GRID2: variants seen among roughly 807,000 people sequenced by gnomAD.
GRID2 encodes the protein glutamate receptor ionotropic, delta-2.
In GRID2, 33 loss-of-function variants were observed where a neutral mutation model predicts 114.8. That is an observed-to-expected ratio of 0.29 (90% CI 0.22 to 0.38). GRID2 has a LOEUF of 0.38. Ranked by LOEUF, GRID2 falls within the 10% of genes least tolerant of loss-of-function variation. The pLI, the probability that GRID2 is intolerant of heterozygous loss-of-function variation, is 1.00. For missense variants in GRID2, 1,184 were observed against 1,257.7 expected, an observed-to-expected ratio of 0.94 and a Z score of 0.89; for synonymous variants, 505 against 449.9, an observed-to-expected ratio of 1.12 and a Z score of -1.55.
At chr4:93,216,609 G>T in intron 5 of GRID2, 129 bp from the exon 6 acceptor site, 2 of 623,650 alleles carry the variant, frequency 3.2e-6, no homozygotes, top group South Asian at 4.5e-5. Context: ...ATTTAGATAT[G>T]CACTAAGCAT....
At chr4:93,651,276 A>G (rs1722556523) in intron 14 of GRID2, among the ~76,000 whole-genome samples, 1 of 152,188 alleles carries the variant, frequency 6.6e-6, no homozygotes, top group Admixed American at 6.5e-5. Flanking sequence ...ACCAAAGATG[A>G]CCTTGTGTAC....
intron 1 of GRID2, among the ~76,000 whole-genome samples, chr4:92,341,750 T>C (rs916927257): frequency 2.0e-5 from 3 of 151,862 alleles, no homozygotes. Context: ...CCATCTCTAC[T>C]AAAAATACAA....
At chr4:93,192,954 C>G (rs1384155772) in intron 4 of GRID2, among the ~76,000 whole-genome samples, 1 of 151,952 alleles carries the variant, frequency 6.6e-6, no homozygotes, top group African/African-American at 2.4e-5. Context: ...ACCAATGTGT[C>G]TACAAAAGAA....
At position 92,677,538 on chromosome 4, in the gene GRID2, TTCATGCCC is replaced by T. The variant is rs1451453998; in HGVS notation, c.244+87253_244+87260del. ...TTGCATGTGAAAAAAGTTTTTCTAA[TTCATGCCC>T]CAAATTGAACTCTTGATCTCCTTTA... is the stretch of plus-strand genomic sequence containing the variant. On this transcript the variant is annotated intron_variant, in intron 2 of 15. Coordinates refer to ENST00000282020, the MANE Select transcript of GRID2 (RefSeq NM_001510.4). Among the ~76,000 whole-genome samples, 54 of 152,262 alleles carry T rather than the reference TTCATGCCC, an allele frequency of 3.5e-4. No individual in the cohort carries two copies. In the East Asian group the frequency reaches 0.01, roughly 28 times the overall value.
At chr4:92,565,193 T>C (rs998789852) in intron 1 of GRID2, among the ~76,000 whole-genome samples, 1 of 152,036 alleles carries the variant, frequency 6.6e-6, no homozygotes, top group Non-Finnish European at 1.5e-5. Flanking sequence ...ATTTTGATAA[T>C]ATGTTGTATT....
chr4:92,774,553 A>G (rs1578174222), intron 2 of GRID2, among the ~76,000 whole-genome samples: 1 of 149,604 alleles, frequency 6.7e-6, no homozygotes, highest in African/African-American at 2.5e-5. Context: ...AAGATATTCT[A>G]ATTTCTTCCA....
intron 9 of GRID2, among the ~76,000 whole-genome samples, chr4:93,403,214 G>T (rs567367228): frequency 6.6e-6 from 1 of 152,138 alleles, no homozygotes; most frequent in Admixed American, 6.6e-5. Flanking sequence ...AAATTTCCAG[G>T]GGCTGATATC....
chr4:92,868,133 A>G (rs557713405), intron 2 of GRID2, among the ~76,000 whole-genome samples: 3 of 150,852 alleles, frequency 2.0e-5, no homozygotes, highest in African/African-American at 7.3e-5. Context: ...GCAGTTGACA[A>G]GTTAACTATT....
intron 2 of GRID2, among the ~76,000 whole-genome samples, chr4:92,599,954 G>A (rs1477532098): frequency 2.7e-5 from 4 of 149,908 alleles, no homozygotes; most frequent in Non-Finnish European, 5.9e-5. Flanking sequence ...GAACCTGGGA[G>A]GTGGACATTG....
chr4:92,913,598 G>A (rs760879400), intron 2 of GRID2, among the ~76,000 whole-genome samples: 2 of 151,872 alleles, frequency 1.3e-5, no homozygotes, highest in African/African-American at 2.4e-5. Context: ...TTTGTAATTA[G>A]ACTGTATACG....
In GRID2 at chr4:92,939,998, G is replaced by A. The variant is rs370857182; in HGVS notation, c.245-144997G>A. Among the ~76,000 whole-genome samples, 41 of 147,146 alleles carry A rather than the reference G, an allele frequency of 2.8e-4. 1 individual carries two copies. Among genetic ancestry groups the A allele is most frequent in the African/African-American group, 7.5e-4 (31 of 41,272 alleles). ...GTAGTATAGTTTGAAGTCAGGTAGC[G>A]TGATGCCTCTAGCTTTGTTCTTTTG... On this transcript the variant is annotated intron_variant, in intron 2 of 15. Transcript: ENST00000282020.
intron 2 of GRID2, among the ~76,000 whole-genome samples, chr4:92,924,346 A>C (rs1029505950): frequency 5.9e-5 from 9 of 152,120 alleles, no homozygotes; most frequent in Non-Finnish European, 1.0e-4. Flanking sequence ...ACATGTATAC[A>C]TATGTAACTA....
intron 12 of GRID2, among the ~76,000 whole-genome samples, chr4:93,495,281 A>G (rs1226193482): frequency 6.6e-6 from 1 of 151,724 alleles, no homozygotes; most frequent in African/African-American, 2.4e-5. Context: ...TTCTATTACT[A>G]AAGAAGAACC....
chr4:93,424,287 A>G (rs1768625295), intron 10 of GRID2, among the ~76,000 whole-genome samples: 2 of 151,704 alleles, frequency 1.3e-5, no homozygotes, highest in Non-Finnish European at 2.9e-5. Flanking sequence ...TATTCCTTAC[A>G]TATATTTGAG....
chr4:92,958,498 C>A (rs76091483), intron 2 of GRID2, among the ~76,000 whole-genome samples: 1 of 151,994 alleles, frequency 6.6e-6, no homozygotes, highest in Non-Finnish European at 1.5e-5. Flanking sequence ...TTGAACCAGC[C>A]TTGTATATCC....
chr4:92,602,342 A>G (rs993104520), intron 2 of GRID2, among the ~76,000 whole-genome samples: 2 of 152,204 alleles, frequency 1.3e-5, no homozygotes, highest in Non-Finnish European at 2.9e-5. Context: ...ACACATCAGA[A>G]AGCTTATCCA....
intron 2 of GRID2, among the ~76,000 whole-genome samples, chr4:92,670,643 A>G (rs1733013483): frequency 6.6e-6 from 1 of 152,238 alleles, no homozygotes; most frequent in South Asian, 2.1e-4. Flanking sequence ...ATTTCAGTAA[A>G]TGTTAAAACT....
intron 1 of GRID2, among the ~76,000 whole-genome samples, chr4:92,521,529 C>G (rs755166875): frequency 6.6e-5 from 10 of 151,938 alleles, no homozygotes; most frequent in Non-Finnish European, 1.5e-4. Flanking sequence ...TTGTCCTTAT[C>G]TCTGTTGCAT....
At chr4:93,615,871 T>A (rs1407622593) in intron 13 of GRID2, among the ~76,000 whole-genome samples, 2 of 152,178 alleles carry the variant, frequency 1.3e-5, no homozygotes, top group African/African-American at 4.8e-5. Context: ...ATGGTTTTTT[T>A]CAAAAATCAT....
Sources: gnomAD v4.1 joint callset for allele counts (sites outside exome capture counted in the v4.1 genomes callset) on GRCh38, gnomAD v4.1.1 for gene constraint, MANE v1.5 for transcripts, NCBI Gene and HGNC (gene_info 2026-07-23, HGNC 2026-07-21) for gene names.